ZFYVE28: variants seen among roughly 807,000 people sequenced by gnomAD.
The protein encoded by ZFYVE28 is zinc finger FYVE-type containing 28.
A neutral mutation model predicts 82.1 loss-of-function variants in ZFYVE28; 40 were observed. The observed-to-expected ratio is 0.49, with a 90% confidence interval of 0.38 to 0.63. ZFYVE28 has a LOEUF of 0.63. Ranked by LOEUF, ZFYVE28 falls within the 30% of genes least tolerant of loss-of-function variation. The pLI is 0.00. For missense variants in ZFYVE28, 1,321 were observed against 1,242.1 expected (o/e 1.06, Z -0.96); for synonymous variants, 612 against 546.1 (o/e 1.12, Z -1.68).
chr4:2,302,927 C>T (rs946040649), intron 8 of ZFYVE28, among the ~76,000 whole-genome samples: 7 of 152,232 alleles, frequency 4.6e-5, no homozygotes, highest in African/African-American at 7.2e-5. Context: ...TGCATCTGAC[C>T]CTCCTAGCCT....
At chr4:2,350,015 T>C (rs1367091643) in intron 2 of ZFYVE28, among the ~76,000 whole-genome samples, 2 of 143,786 alleles carry the variant, frequency 1.4e-5, no homozygotes, top group Non-Finnish European at 3.0e-5. Context: ...TTCTAGCTAG[T>C]TCAATAGGGT....
chr4:2,367,351 C>T (rs918862507), intron 1 of ZFYVE28, among the ~76,000 whole-genome samples: 1 of 152,098 alleles, frequency 6.6e-6, no homozygotes, highest in Non-Finnish European at 1.5e-5. Context: ...AGGGTGCCCC[C>T]GGGGTGTCCC....
chr4:2,367,147 G>A (rs1345666380), intron 1 of ZFYVE28, among the ~76,000 whole-genome samples: 2 of 152,228 alleles, frequency 1.3e-5, no homozygotes, highest in Non-Finnish European at 2.9e-5. Context: ...TGGGTGGTGA[G>A]AGCGCTCCAG....
At chr4:2,410,172 G>A (rs539776330) in intron 1 of ZFYVE28, among the ~76,000 whole-genome samples, 23 of 152,214 alleles carry the variant, frequency 1.5e-4, no homozygotes, top group African/African-American at 5.1e-4. Context: ...CATTTACTGC[G>A]TTCACAATGC....
At chr4:2,291,219 C>T (rs1713630274) in intron 8 of ZFYVE28, among the ~76,000 whole-genome samples, 1 of 152,252 alleles carries the variant, frequency 6.6e-6, no homozygotes, top group Non-Finnish European at 1.5e-5. Flanking sequence ...TGCAGCATCA[C>T]CGCGGTTGAA....
intron 3 of ZFYVE28, among the ~76,000 whole-genome samples, chr4:2,340,933 C>T (rs537951466): frequency 1.6e-4 from 24 of 151,644 alleles, no homozygotes; most frequent in Admixed American, 1.3e-3. Context: ...AGGTCAGGCT[C>T]GGGAGCACGG....
intron 1 of ZFYVE28, among the ~76,000 whole-genome samples, chr4:2,354,586 G>A (rs1724963060): frequency 6.6e-6 from 1 of 150,590 alleles, no homozygotes; most frequent in Admixed American, 6.7e-5. Flanking sequence ...AGCCTCCCCA[G>A]TAACTGGGAT....
chr4:2,282,351 T>C (rs1247516777), intron 8 of ZFYVE28, among the ~76,000 whole-genome samples: 5 of 152,284 alleles, frequency 3.3e-5, no homozygotes, highest in African/African-American at 9.6e-5. Flanking sequence ...CTGCCCAGCC[T>C]GTGTCTTCAG....
chr4:2,387,442 C>G (rs978252673), intron 1 of ZFYVE28, among the ~76,000 whole-genome samples: 1 of 152,260 alleles, frequency 6.6e-6, no homozygotes, highest in Admixed American at 6.5e-5. Context: ...ACGTGACGTC[C>G]TTGTCCTCGT....
chr4:2,340,543 G>A (rs561984110), intron 3 of ZFYVE28, among the ~76,000 whole-genome samples: 3 of 152,304 alleles, frequency 2.0e-5, no homozygotes, highest in Non-Finnish European at 4.4e-5. Context: ...GGCGCTGATC[G>A]CCCAGGCCCA....
chr4:2,354,671 C>T (rs1423477584), intron 1 of ZFYVE28, among the ~76,000 whole-genome samples: 5 of 152,004 alleles, frequency 3.3e-5, no homozygotes, highest in African/African-American at 1.2e-4. Flanking sequence ...ATTGGCCAGG[C>T]TAGTCTCGAA....
chr4:2,360,229 C>T (rs964399438), intron 1 of ZFYVE28, among the ~76,000 whole-genome samples: 5 of 151,880 alleles, frequency 3.3e-5, no homozygotes, highest in Non-Finnish European at 5.9e-5. Flanking sequence ...CACCACACCC[C>T]GCCCCACACC....
At chr4:2,278,779 T>C (rs73797463) in intron 8 of ZFYVE28, among the ~76,000 whole-genome samples, 1 of 150,060 alleles carries the variant, frequency 6.7e-6, no homozygotes, top group Admixed American at 6.6e-5. Context: ...ACTGAACAAA[T>C]GGAAAACGGA....
chr4:2,415,053 A>C lies in ZFYVE28; in HGVS notation c.39+3232T>G, dbSNP rs569080810. On this transcript the variant is annotated intron_variant, in intron 1 of 12. Coordinates refer to ENST00000290974, the MANE Select transcript of ZFYVE28 (RefSeq NM_020972.3). Reference sequence around the variant, plus strand: ...AAGATCTGAACACTTTATACCAAGAAAAATCATATTGGTGTTTAAAAGACT... The same window carrying C: ...AAGATCTGAACACTTTATACCAAGACAAATCATATTGGTGTTTAAAAGACT... Among the ~76,000 whole-genome samples the C allele has an allele frequency of 9.2e-5, 14 of 152,370 alleles. No individual in the cohort carries two copies. In the South Asian group the frequency reaches 2.9e-3, roughly 32 times the overall value.
At chr4:2,322,440 G>A (rs1384909514) in intron 6 of ZFYVE28, among the ~76,000 whole-genome samples, 1 of 152,092 alleles carries the variant, frequency 6.6e-6, no homozygotes, top group Non-Finnish European at 1.5e-5. Context: ...GGTGAGCCTG[G>A]CAGGCTGGAT....
intron 12 of ZFYVE28, 123 bp downstream of exon 12, chr4:2,271,188 T>G: frequency 9.7e-7 from 1 of 1,030,104 alleles, no homozygotes; most frequent in South Asian, 1.5e-5. Flanking sequence ...CAGGGGCCTC[T>G]GCACAAGACC....
In ZFYVE28 at chr4:2,418,341, C is replaced by T. The variant is rs375205739; in HGVS notation, c.-18G>A. ...TTCATCATCGCCGCGCCGGCCCTGG[C>T]CGGACTCCGGGCGGCCCTCGCCCTC... On this transcript the variant is annotated 5_prime_UTR_variant, in exon 1 of 13. Coordinates refer to ENST00000290974, the MANE Select transcript of ZFYVE28 (RefSeq NM_020972.3). This position sits in a 1 kb window ranked among gnomAD's most constrained non-coding sequence, Gnocchi z 4.6. 6.7e-7 allele frequency: 1 copy of T among 1,500,204 alleles called. No homozygotes were observed. The allele number at this position is 1,500,204 out of a possible 1,614,324, so 92.9% of individuals were successfully genotyped here.
chr4:2,325,816 C>G (rs1719781894), intron 6 of ZFYVE28, among the ~76,000 whole-genome samples: 2 of 152,172 alleles, frequency 1.3e-5, no homozygotes, highest in South Asian at 4.2e-4. Context: ...TGGACTCAAA[C>G]TCCTGGCCTC....
intron 2 of ZFYVE28, among the ~76,000 whole-genome samples, chr4:2,349,232 A>C (rs1724003181): frequency 6.6e-6 from 1 of 152,104 alleles, no homozygotes; most frequent in Non-Finnish European, 1.5e-5. Flanking sequence ...CATAGCTATC[A>C]TATGCCAAAA....
Sources: gnomAD v4.1 joint callset for allele counts (sites outside exome capture counted in the v4.1 genomes callset) on GRCh38, gnomAD v4.1.1 for gene constraint, Gnocchi (gnomAD v3.1) non-coding constraint, MANE v1.5 for transcripts, NCBI Gene and HGNC (gene_info 2026-07-23, HGNC 2026-07-21) for gene names.